The following CLVS1 variants were observed in gnomAD, a reference collection of about 807,000 sequenced individuals.
CLVS1 encodes clavesin-1.
In CLVS1, 10 loss-of-function variants were observed where a neutral mutation model predicts 33.1. The ratio of observed to expected loss-of-function variants is 0.30; its 90% CI spans 0.19 to 0.51. The LOEUF (loss-of-function observed/expected upper bound fraction) is 0.51. Among genes scored for constraint, CLVS1 ranks in the 20% least tolerant of loss-of-function variants. CLVS1 has a pLI of 0.97. For synonymous variants in CLVS1, 163 were observed against 166.1 expected, an observed-to-expected ratio of 0.98 and a Z score of 0.14; for missense variants, 343 against 433.4, an observed-to-expected ratio of 0.79 and a Z score of 1.85.
the CLVS1 span, among the ~76,000 whole-genome samples, chr8:61,048,226 A>T: frequency 2.0e-5 from 3 of 152,254 alleles, no homozygotes; most frequent in South Asian, 6.2e-4. Flanking sequence ...AGAACTACAG[A>T]GGTGCTGACC....
the CLVS1 span, among the ~76,000 whole-genome samples, chr8:60,996,266 T>A: frequency 4.6e-5 from 7 of 152,248 alleles, no homozygotes; most frequent in African/African-American, 1.7e-4. Context: ...CATCATCTCT[T>A]TTGTCTGGAT....
chr8:61,416,736 G>A (rs1034111233), intron 3 of CLVS1, among the ~76,000 whole-genome samples: 18 of 152,190 alleles, frequency 1.2e-4, no homozygotes, highest in African/African-American at 4.3e-4. Context: ...TGGAAAAGGG[G>A]TAACCTGAGC....
chr8:61,396,975 T>A (rs1814552371), intron 3 of CLVS1, among the ~76,000 whole-genome samples: 1 of 152,174 alleles, frequency 6.6e-6, no homozygotes, highest in Non-Finnish European at 1.5e-5. Context: ...CAGGCTATCA[T>A]GAATAATCCT....
At chr8:61,310,518 G>T (rs914842834) in intron 2 of CLVS1, among the ~76,000 whole-genome samples, 2 of 152,142 alleles carry the variant, frequency 1.3e-5, no homozygotes, top group Admixed American at 6.5e-5. Context: ...ATTAACGACA[G>T]GTCTCCATGA....
At chr8:61,098,219 T>C (rs1805386734) in intron 1 of CLVS1, among the ~76,000 whole-genome samples, 1 of 151,968 alleles carries the variant, frequency 6.6e-6, no homozygotes, top group Non-Finnish European at 1.5e-5. Context: ...AAACAGCTCA[T>C]ATTGTGGTAG....
chr8:61,145,641 A>G (rs1440424595), intron 2 of CLVS1, among the ~76,000 whole-genome samples: 5 of 152,116 alleles, frequency 3.3e-5, no homozygotes, highest in Admixed American at 2.0e-4. Context: ...TGATTTGTCA[A>G]TTTTGGCTTT....
At chr8:60,989,941 C>T in the CLVS1 span, among the ~76,000 whole-genome samples, 1 of 151,544 alleles carries the variant, frequency 6.6e-6, no homozygotes, top group Non-Finnish European at 1.5e-5. Context: ...CTGGCTAACA[C>T]GGTGAAACCC....
At chr8:61,124,267 A>G (rs1805932384) in intron 1 of CLVS1, among the ~76,000 whole-genome samples, 1 of 152,206 alleles carries the variant, frequency 6.6e-6, no homozygotes, top group Non-Finnish European at 1.5e-5. Context: ...ATATATAACC[A>G]AACAATGACA....
chr8:61,231,389 TA>T (rs1808430539), intron 2 of CLVS1, among the ~76,000 whole-genome samples: 1 of 152,186 alleles, frequency 6.6e-6, no homozygotes. Flanking sequence ...TGGGGAGTTG[TA>T]ATAGAATTTC....
chr8:61,210,646 C>T (rs775063678), intron 2 of CLVS1, among the ~76,000 whole-genome samples: 5 of 152,160 alleles, frequency 3.3e-5, no homozygotes, highest in Non-Finnish European at 5.9e-5. Flanking sequence ...TGGAAGAGAA[C>T]TCTGGGCTCT....
intron 3 of CLVS1, among the ~76,000 whole-genome samples, chr8:61,410,066 G>GTTTTTTTTTTTTTTTT (rs201195565): frequency 2.4e-4 from 26 of 106,900 alleles, no homozygotes; most frequent in African/African-American, 8.2e-4. Flanking sequence ...ACTTGCAGAG[G>GTTTTTTTTTTTTTTTT]TTTTTTTTTT....
intron 2 of CLVS1, among the ~76,000 whole-genome samples, chr8:61,375,886 G>A (rs1449811082): frequency 1.3e-5 from 2 of 152,276 alleles, no homozygotes; most frequent in Non-Finnish European, 2.9e-5. Flanking sequence ...TGGCAAATGG[G>A]CATATATGAT....
At chr8:61,011,065 A>C in the CLVS1 span, among the ~76,000 whole-genome samples, 1 of 152,150 alleles carries the variant, frequency 6.6e-6, no homozygotes, top group African/African-American at 2.4e-5. Context: ...GAGACCCTAC[A>C]CTTTGATCTG....
At position 61,268,025 on chromosome 8, in the gene CLVS1, T is replaced by C. The variant is rs987800940; in HGVS notation, c.-151-31652T>C. 2.0e-5 allele frequency among the ~76,000 whole-genome samples: 3 copies of C among 152,098 alleles called. No individual in the cohort carries two copies. The South Asian group carries it at 6.2e-4, about 32-fold the overall frequency. On this transcript the variant is annotated intron_variant, in intron 2 of 2. Transcript: ENST00000522621. The stretch of plus-strand genomic sequence containing the variant: ...CAATATAAAAGTCTTTTTTTTTTAT[T>C]TTTATTATACTTTAAATTTTAGGGT...
chr8:61,485,663 C>G (rs575641671), intron 5 of CLVS1, among the ~76,000 whole-genome samples: 2 of 152,308 alleles, frequency 1.3e-5, no homozygotes, highest in South Asian at 2.1e-4. Context: ...TATTGCAGCA[C>G]TATTCACAAT....
At position 61,340,784 on chromosome 8, in the gene CLVS1, A is replaced by G. The variant is rs141111939; in HGVS notation, c.456-35821A>G. On this transcript the variant is annotated intron_variant, in intron 2 of 5. Coordinates refer to ENST00000325897, the MANE Select transcript of CLVS1 (RefSeq NM_173519.3). Reference sequence around the variant, plus strand: ...TATTGTTTTCCATGATGGCTGTACCAGTGTTAGATACATTTCTAATTGGAA... The same window carrying G: ...TATTGTTTTCCATGATGGCTGTACCGGTGTTAGATACATTTCTAATTGGAA... Among the ~76,000 whole-genome samples the G allele has an allele frequency of 8.9e-3, 1,355 of 152,310 alleles. 25 individuals carry two copies. Among genetic ancestry groups the G allele is most frequent in the African/African-American group, 0.03 (1,249 of 41,550 alleles).
chr8:61,248,772 C>G (rs1334920690), intron 2 of CLVS1, among the ~76,000 whole-genome samples: 1 of 151,676 alleles, frequency 6.6e-6, no homozygotes, highest in Non-Finnish European at 1.5e-5. Flanking sequence ...TCTAAGACAC[C>G]CAGAAGTCCT....
At chr8:61,188,895 A>G (rs1807401399) in intron 2 of CLVS1, among the ~76,000 whole-genome samples, 2 of 152,164 alleles carry the variant, frequency 1.3e-5, no homozygotes, top group Admixed American at 1.3e-4. Flanking sequence ...AAAAATAATT[A>G]TTAAGACTAC....
chr8:61,454,973 G>A (rs1817093983), intron 4 of CLVS1, among the ~76,000 whole-genome samples: 1 of 152,116 alleles, frequency 6.6e-6, no homozygotes, highest in Non-Finnish European at 1.5e-5. Context: ...GATGCAGTTG[G>A]TACATCATGA....
Sources: allele counts gnomAD v4.1 joint callset (sites outside exome capture counted in the v4.1 genomes callset), GRCh38; gene constraint gnomAD v4.1.1; transcripts MANE v1.5; gene names NCBI Gene and HGNC (gene_info 2026-07-23, HGNC 2026-07-21).